Variants in INO80 observed in about 807,000 individuals in gnomAD.
INO80 encodes chromatin-remodeling ATPase INO80.
A neutral mutation model predicts 203.4 loss-of-function variants in INO80; 20 were observed. That is an observed-to-expected ratio of 0.10 (90% CI 0.07 to 0.14). The LOEUF is 0.14. Ranked by LOEUF, INO80 falls within the 10% of genes least tolerant of loss-of-function variation. INO80 has a pLI of 1.00. For synonymous variants in INO80, 726 were observed against 685.2 expected (o/e 1.06, Z -0.93); for missense variants, 1,419 against 1,914.4 (o/e 0.74, Z 4.83).
chr15:41,009,389 C>A (rs1320762847), intron 27 of INO80, among the ~76,000 whole-genome samples: 1 of 120,050 alleles, frequency 8.3e-6, no homozygotes, highest in South Asian at 3.4e-4. Context: ...CCCCTCCCCC[C>A]ACCCCACAAC....
chr15:41,109,719 G>A (rs370724674), intron 1 of INO80, among the ~76,000 whole-genome samples: 40 of 151,656 alleles, frequency 2.6e-4, no homozygotes, highest in African/African-American at 9.4e-4. Flanking sequence ...ATCACCTGAG[G>A]TCAGGAGTTT....
intron 32 of INO80, 65 bp from the exon 33 acceptor site, chr15:40,984,417 G>C: frequency 6.9e-7 from 1 of 1,443,050 alleles, no homozygotes; most frequent in Non-Finnish European, 9.6e-7. Context: ...AGCGGGATTT[G>C]GGAAGAAAAG....
chr15:41,068,940 C>T (rs16971454), intron 14 of INO80, among the ~76,000 whole-genome samples: 15,056 of 151,878 alleles, frequency 0.099, 985 homozygotes, highest in Non-Finnish European at 0.14. Flanking sequence ...AGAGAAATGC[C>T]GTAAATGATA....
intron 19 of INO80, among the ~76,000 whole-genome samples, chr15:41,052,870 A>AT (rs1339280953): frequency 6.6e-6 from 1 of 150,802 alleles, no homozygotes; most frequent in Non-Finnish European, 1.5e-5. Flanking sequence ...AAAAAAAAAA[A>AT]AAAAATACAA....
At chr15:41,084,211 A>C (rs1233604797) in intron 7 of INO80, among the ~76,000 whole-genome samples, 1 of 152,098 alleles carries the variant, frequency 6.6e-6, no homozygotes, top group Non-Finnish European at 1.5e-5. Flanking sequence ...AAAAAAAAAA[A>C]AACGCTACAT....
chr15:41,108,777 A>G (rs1015516726), intron 1 of INO80: 3 of 152,234 alleles, frequency 2.0e-5, no homozygotes, highest in Non-Finnish European at 2.9e-5. Flanking sequence ...TGCCTCATTT[A>G]TATCTAACAA....
chr15:41,045,675 T>C (rs986192173), intron 23 of INO80, among the ~76,000 whole-genome samples: 26 of 151,134 alleles, frequency 1.7e-4, no homozygotes, highest in African/African-American at 4.9e-4. Context: ...GGCAGATCAA[T>C]TGAGGCCAGG....
intron 9 of INO80, 99 bp downstream of exon 9, chr15:41,079,602 C>T (rs1337622958): frequency 3.4e-6 from 3 of 875,514 alleles, no homozygotes; most frequent in Non-Finnish European, 5.4e-6. Flanking sequence ...AAAAAATTGA[C>T]AGTGTCATTG....
rs201074734 is a variant in INO80, at chr15:40,983,814, T to G, written c.4185A>C (p.Arg1395=). ...DDPASSAPQS[R]ATNSPASITG... ...TTATGGATGCGGGAGAGTTGGTAGC[T>G]CGAGACTGAGGGGCTGAGGAGGCTG... Residue 1395 remains arginine, a synonymous_variant, in exon 34 of 36, where the codon CGA becomes CGC. Coordinates refer to ENST00000648947, the MANE Select transcript of INO80 (RefSeq NM_017553.3). 4.7e-5 allele frequency: 76 copies of G among 1,612,602 alleles called. No homozygotes were observed. Among genetic ancestry groups the G allele is most frequent in the Non-Finnish European group, 6.2e-5 (73 of 1,180,036 alleles).
At chr15:41,093,286 G>C (rs772277858) in intron 4 of INO80, among the ~76,000 whole-genome samples, 19 of 152,000 alleles carry the variant, frequency 1.3e-4, no homozygotes, top group Admixed American at 1.2e-3. Flanking sequence ...TTAGCCAGGC[G>C]TGGTGGCAAG....
chr15:40,997,692 A>G (rs1408097434), intron 28 of INO80, 91 bp from the exon 29 acceptor site: 1 of 835,016 alleles, frequency 1.2e-6, no homozygotes, highest in Non-Finnish European at 2.0e-6. Flanking sequence ...ACAGAACATA[A>G]AGTCTAGGAC....
intron 5 of INO80, among the ~76,000 whole-genome samples, chr15:41,088,887 C>G (rs968593472): frequency 1.3e-5 from 2 of 152,146 alleles, no homozygotes; most frequent in African/African-American, 4.8e-5. Flanking sequence ...AAAAAACAAG[C>G]AGGCCAGGCA....
chr15:41,097,704 C>A (rs2045746042), intron 1 of INO80, among the ~76,000 whole-genome samples: 1 of 152,072 alleles, frequency 6.6e-6, no homozygotes, highest in East Asian at 1.9e-4. Flanking sequence ...GAACTCCTGA[C>A]CTCAGGTGAT....
chr15:41,069,671 AC>A lies in INO80; in HGVS notation c.1687-7del. The A allele has an allele frequency of 6.3e-7, 1 of 1,578,348 alleles. No homozygotes were observed. ...GGTCCCCAAATGTTCTCTCTCTGCA[AC>A]AGAAAAACCCAGTCAGCCAACTACA... On this transcript the variant is annotated splice_region_variant and splice_polypyrimidine_tract_variant and intron_variant, in intron 13 of 35. Coordinates refer to ENST00000648947, the MANE Select transcript of INO80 (RefSeq NM_017553.3).
chr15:41,052,871 A>AAT (rs1309021698), intron 19 of INO80, among the ~76,000 whole-genome samples: 1 of 151,044 alleles, frequency 6.6e-6, no homozygotes. Flanking sequence ...AAAAAAAAAA[A>AAT]AAAATACAAA....
intron 16 of INO80, among the ~76,000 whole-genome samples, chr15:41,057,966 C>T (rs1323017097): frequency 1.3e-5 from 2 of 151,884 alleles, no homozygotes; most frequent in Non-Finnish European, 2.9e-5. Flanking sequence ...CCAAATAACA[C>T]TTTTTATTTA....
intron 9 of INO80, among the ~76,000 whole-genome samples, chr15:41,079,150 T>A (rs1480555079): frequency 6.6e-6 from 1 of 151,344 alleles, no homozygotes; most frequent in South Asian, 2.1e-4. Context: ...AACAAAAAAA[T>A]AAATAAAACA....
chr15:41,044,838 T>G (rs1179070115), intron 24 of INO80, 66 bp downstream of exon 24: 2 of 1,475,872 alleles, frequency 1.4e-6, no homozygotes, highest in African/African-American at 2.8e-5. Flanking sequence ...TACTATTATT[T>G]TTACTTATTC....
At chr15:41,060,045 T>G in intron 14 of INO80, 119 bp from the exon 15 acceptor site, 1 of 648,638 alleles carries the variant, frequency 1.5e-6, no homozygotes, top group East Asian at 3.0e-5. Context: ...GGAATTCCTC[T>G]CCTGCCAATG....
Sources: gnomAD v4.1 joint callset for allele counts (sites outside exome capture counted in the v4.1 genomes callset) on GRCh38, gnomAD v4.1.1 for gene constraint, MANE v1.5 for transcripts, NCBI Gene and HGNC (gene_info 2026-07-23, HGNC 2026-07-21) for gene names.